Variants in ADRA1B observed in about 807,000 individuals in gnomAD.
The protein encoded by ADRA1B is adrenoceptor alpha 1B.
Under a neutral mutation model 17.9 loss-of-function variants are expected in ADRA1B, and 17 were observed. That is an observed-to-expected ratio of 0.95 (90% CI 0.65 to 1.42). The LOEUF is 1.42. ADRA1B is among the 40% of genes most tolerant of loss of function. The pLI is 0.00. For synonymous variants in ADRA1B, 366 were observed against 327.6 expected (o/e 1.12, Z -1.27); for missense variants, 681 against 722.1 (o/e 0.94, Z 0.65).
At chr5:159,915,860 G>A (rs1754287224), upstream of ADRA1B, among the ~76,000 whole-genome samples, 1 of 152,158 alleles carries the variant, frequency 6.6e-6, no homozygotes, top group African/African-American at 2.4e-5. Context: ...CTCCTATAGG[G>A]CAGGAGTCCG....
At chr5:159,935,664 G>A (rs577686304) in intron 1 of ADRA1B, among the ~76,000 whole-genome samples, 5 of 151,928 alleles carry the variant, frequency 3.3e-5, no homozygotes, top group Non-Finnish European at 5.9e-5. Context: ...CTCAGGCCTC[G>A]GCCTCCCTAG....
intron 1 of ADRA1B, chr5:159,951,495 C>A: frequency 1.4e-6 from 1 of 690,690 alleles, no homozygotes; most frequent in Non-Finnish European, 2.7e-6. Context: ...TTCACCTTCA[C>A]CACGGTGTCT....
upstream of ADRA1B, among the ~76,000 whole-genome samples, chr5:159,914,660 C>T (rs551937590): frequency 2.4e-4 from 37 of 152,194 alleles, no homozygotes; most frequent in South Asian, 7.3e-3. Flanking sequence ...TTAAAACCTT[C>T]GATACGTGTA....
At chr5:159,974,934 G>A (rs1330495557), downstream of ADRA1B, among the ~76,000 whole-genome samples, 1 of 152,110 alleles carries the variant, frequency 6.6e-6, no homozygotes, top group African/African-American at 2.4e-5. Context: ...CTGCCTCTTT[G>A]TCCAGTACCT....
the ADRA1B span, among the ~76,000 whole-genome samples, chr5:159,987,026 A>T: frequency 6.6e-6 from 1 of 152,200 alleles, no homozygotes; most frequent in Non-Finnish European, 1.5e-5. Context: ...CTCCAGAGAA[A>T]GTAAGCTTGT....
chr5:159,891,018 TCTAAC>T (rs1753977812), intron 1 of ADRA1B, among the ~76,000 whole-genome samples: 4 of 152,166 alleles, frequency 2.6e-5, no homozygotes, highest in African/African-American at 9.7e-5. Flanking sequence ...CACCTGCCAT[TCTAAC>T]TATATCCCCT....
In ADRA1B at chr5:159,917,233, T is replaced by C. The variant is rs1754341380; in HGVS notation, c.328T>C (p.Tyr110His). Reference protein sequence around the residue: ...PFSAALEVLGYWVLGRIFCDI... With the variant: ...PFSAALEVLGHWVLGRIFCDI... ...CTCAGCGGCCCTAGAGGTGCTCGGC[T>C]ACTGGGTGCTGGGGCGGATCTTCTG... Residue 110 changes from tyrosine to histidine, a missense_variant, in exon 1 of 2, where the codon TAC (tyrosine) becomes CAC (histidine). This residue lies in a region of ADRA1B where 424 missense variants were observed against 480.2 expected (regional missense o/e 0.88). Coordinates refer to ENST00000306675, the MANE Select transcript of ADRA1B (RefSeq NM_000679.4). 7 of 1,614,048 alleles carry C rather than the reference T, an allele frequency of 4.3e-6. No homozygotes were observed. In the South Asian group the frequency reaches 7.7e-5, roughly 18 times the overall value.
At chr5:159,897,041 G>C (rs1169971956) in intron 1 of ADRA1B, among the ~76,000 whole-genome samples, 1 of 152,160 alleles carries the variant, frequency 6.6e-6, no homozygotes, top group Non-Finnish European at 1.5e-5. Context: ...ATTGGCAATG[G>C]CTAGAAAGTC....
intron 1 of ADRA1B, among the ~76,000 whole-genome samples, chr5:159,931,676 A>ATTTATTGCTCACAGTTC (rs1448726627): frequency 2.6e-5 from 4 of 152,236 alleles, no homozygotes; most frequent in Non-Finnish European, 4.4e-5. Context: ...AAATGACAGA[A>ATTTATTGCTCACAGTTC]TTTATTGCTC....
At chr5:159,963,047 G>A (rs1332231847) in intron 1 of ADRA1B, among the ~76,000 whole-genome samples, 2 of 146,096 alleles carry the variant, frequency 1.4e-5, no homozygotes, top group East Asian at 2.0e-4. Flanking sequence ...TTATAGCCAT[G>A]AGCCATTGCA....
intron 1 of ADRA1B, chr5:159,950,884 G>T: frequency 1.7e-6 from 1 of 585,410 alleles, no homozygotes; most frequent in Non-Finnish European, 3.2e-6. Flanking sequence ...AGGCAGGGGT[G>T]ATGTTCTGGA....
intron 1 of ADRA1B, among the ~76,000 whole-genome samples, chr5:159,886,678 A>G (rs974013700): frequency 6.6e-6 from 1 of 152,194 alleles, no homozygotes; most frequent in African/African-American, 2.4e-5. Flanking sequence ...TGATGTTGGC[A>G]ATGTCATCAC....
chr5:159,947,777 G>T (rs1045522181), intron 1 of ADRA1B: 2 of 985,244 alleles, frequency 2.0e-6, no homozygotes, highest in African/African-American at 3.5e-5. Flanking sequence ...AATCTCTCCA[G>T]CCTAGAGTCT....
chr5:159,939,080 A>G (rs1296847793), intron 1 of ADRA1B, among the ~76,000 whole-genome samples: 2 of 152,188 alleles, frequency 1.3e-5, no homozygotes, highest in African/African-American at 4.8e-5. Context: ...AACTGAAGCC[A>G]TGTGAGAAGC....
At chr5:159,984,094 G>T in the ADRA1B span, among the ~76,000 whole-genome samples, 1 of 151,722 alleles carries the variant, frequency 6.6e-6, no homozygotes, top group Non-Finnish European at 1.5e-5. Context: ...TTCCAACCTC[G>T]CTGACCACTC....
chr5:159,884,842 C>T (rs984585314), intron 1 of ADRA1B, among the ~76,000 whole-genome samples: 12 of 152,186 alleles, frequency 7.9e-5, no homozygotes, highest in Admixed American at 4.6e-4. Flanking sequence ...GAAAGGCTTC[C>T]CATATGTACA....
chr5:159,913,425 G>T (rs969144867), upstream of ADRA1B, among the ~76,000 whole-genome samples: 13 of 152,152 alleles, frequency 8.5e-5, no homozygotes, highest in African/African-American at 3.1e-4. Context: ...CTGCTACACG[G>T]CTGTTATTAA....
chr5:159,866,103 C>A, intron 1 of ADRA1B, among the ~76,000 whole-genome samples: 1 of 152,104 alleles, frequency 6.6e-6, no homozygotes, highest in South Asian at 2.1e-4. Context: ...GATAATGATG[C>A]CCAGCCTGGG....
At chr5:159,891,223 T>C (rs997320441) in intron 1 of ADRA1B, among the ~76,000 whole-genome samples, 6 of 152,362 alleles carry the variant, frequency 3.9e-5, no homozygotes, top group Middle Eastern at 6.8e-3. Context: ...CTCAGAGCTA[T>C]GCACTGCTTT....
Sources: allele counts gnomAD v4.1 joint callset (sites outside exome capture counted in the v4.1 genomes callset), GRCh38; gene constraint gnomAD v4.1.1; regional missense constraint gnomAD v4.1.1; transcripts MANE v1.5; gene names NCBI Gene and HGNC (gene_info 2026-07-23, HGNC 2026-07-21).